TRABD2B: variants seen among roughly 807,000 people sequenced by gnomAD.
The protein encoded by TRABD2B is TraB domain containing 2B.
In TRABD2B, 14 loss-of-function variants were observed where a neutral mutation model predicts 40.1. The observed-to-expected ratio is 0.35, with a 90% CI of 0.23 to 0.55. The LOEUF (loss-of-function observed/expected upper bound fraction) is 0.55. Ranked by LOEUF, TRABD2B falls within the 20% of genes least tolerant of loss-of-function variation. The pLI, the probability that TRABD2B is intolerant of heterozygous loss-of-function variation, is 0.90. For missense variants in TRABD2B, 541 were observed against 648.6 expected, an observed-to-expected ratio of 0.83 and a Z score of 1.80; for synonymous variants, 263 against 277.0, an observed-to-expected ratio of 0.95 and a Z score of 0.50.
At chr1:47,944,972 C>T (rs1362875622) in intron 2 of TRABD2B, among the ~76,000 whole-genome samples, 1 of 141,736 alleles carries the variant, frequency 7.1e-6, no homozygotes, top group Non-Finnish European at 1.5e-5. Flanking sequence ...GGCACTGATG[C>T]GGGGACAAGT....
intron 2 of TRABD2B, among the ~76,000 whole-genome samples, chr1:47,867,915 G>A (rs1314488758): frequency 6.6e-6 from 1 of 152,192 alleles, no homozygotes; most frequent in Non-Finnish European, 1.5e-5. Context: ...GGGGTAAAAT[G>A]CTTGGGAAGC....
At chr1:47,978,183 G>C (rs1645786380) in intron 2 of TRABD2B, among the ~76,000 whole-genome samples, 3 of 152,090 alleles carry the variant, frequency 2.0e-5, no homozygotes, top group African/African-American at 4.8e-5. Flanking sequence ...ATAAGGGACT[G>C]AAGGGGCCAT....
chr1:47,792,224 A>C (rs1291802219), intron 4 of TRABD2B, among the ~76,000 whole-genome samples: 1 of 152,218 alleles, frequency 6.6e-6, no homozygotes, highest in African/African-American at 2.4e-5. Flanking sequence ...TAAATTCACC[A>C]GCCCAGAGGA....
At chr1:47,849,697 T>C (rs1025223250) in intron 2 of TRABD2B, among the ~76,000 whole-genome samples, 1 of 152,188 alleles carries the variant, frequency 6.6e-6, no homozygotes, top group African/African-American at 2.4e-5. Context: ...TTTGACCTGG[T>C]GTGAGCCGGT....
intron 2 of TRABD2B, among the ~76,000 whole-genome samples, chr1:47,914,066 C>T (rs1349385353): frequency 2.0e-5 from 3 of 152,222 alleles, no homozygotes; most frequent in Admixed American, 6.5e-5. Flanking sequence ...CGCAGCTTCT[C>T]GAATTCTTTG....
At chr1:47,862,282 A>G (rs1643984995) in intron 2 of TRABD2B, among the ~76,000 whole-genome samples, 1 of 152,218 alleles carries the variant, frequency 6.6e-6, no homozygotes, top group Non-Finnish European at 1.5e-5. Context: ...ATACTTATTG[A>G]GAAGGAAGAA....
chr1:47,871,716 G>A (rs572212115), intron 2 of TRABD2B, among the ~76,000 whole-genome samples: 2 of 152,280 alleles, frequency 1.3e-5, no homozygotes, highest in South Asian at 4.1e-4. Context: ...CAGTGAGCTG[G>A]TTAGAGGCAG....
intron 6 of TRABD2B, among the ~76,000 whole-genome samples, chr1:47,771,699 C>T (rs1293894815): frequency 6.6e-6 from 1 of 152,238 alleles, no homozygotes; most frequent in Non-Finnish European, 1.5e-5. Flanking sequence ...AAGCCTGGCT[C>T]TCAGCGGTGG....
chr1:47,963,328 T>A (rs1645549428), intron 2 of TRABD2B, among the ~76,000 whole-genome samples: 1 of 152,142 alleles, frequency 6.6e-6, no homozygotes, highest in African/African-American at 2.4e-5. Flanking sequence ...GCTAGCCCCA[T>A]CCCCAGGTTA....
chr1:47,798,827 C>T (rs1415586978), intron 3 of TRABD2B, among the ~76,000 whole-genome samples: 3 of 152,148 alleles, frequency 2.0e-5, no homozygotes, highest in African/African-American at 7.2e-5. Context: ...ACTTTGAGGC[C>T]CCCAGCTACA....
rs530921276 is a variant in TRABD2B at position 47,927,207 on chromosome 1, C to T, written c.666+66827G>A. ...TAAGCTGGTCTTGGTGAAGGCCTGG[C>T]ACAGTGGCCCCAGGGCTGGGTGTGC... is the stretch of plus-strand genomic sequence containing the variant. On this transcript the variant is annotated intron_variant, in intron 2 of 6. Coordinates refer to ENST00000606738, the MANE Select transcript of TRABD2B (RefSeq NM_001194986.2). Among the ~76,000 whole-genome samples the T allele has an allele frequency of 5.3e-5, 8 of 152,336 alleles. No individual in the cohort carries two copies. In the East Asian group the frequency reaches 9.6e-4, roughly 18 times the overall value.
intron 5 of TRABD2B, among the ~76,000 whole-genome samples, chr1:47,775,689 G>A (rs984671037): frequency 2.6e-5 from 4 of 152,240 alleles, no homozygotes; most frequent in Non-Finnish European, 5.9e-5. Flanking sequence ...CACTTTTTTA[G>A]GAGGTAGGTA....
At chr1:47,896,146 T>A (rs571735275) in intron 2 of TRABD2B, among the ~76,000 whole-genome samples, 1 of 152,186 alleles carries the variant, frequency 6.6e-6, no homozygotes, top group Non-Finnish European at 1.5e-5. Context: ...TGAAATGCAA[T>A]GACTGCCCTC....
chr1:47,940,023 C>G (rs1240011690), intron 2 of TRABD2B, among the ~76,000 whole-genome samples: 1 of 152,192 alleles, frequency 6.6e-6, no homozygotes, highest in Non-Finnish European at 1.5e-5. Flanking sequence ...TGGCTCCAAC[C>G]GAATTTCCTA....
chr1:47,967,041 C>A (rs879785288), intron 2 of TRABD2B, among the ~76,000 whole-genome samples: 8 of 152,054 alleles, frequency 5.3e-5, no homozygotes, highest in Non-Finnish European at 1.0e-4. Flanking sequence ...AATAGCTTGG[C>A]AGATGTTTAA....
intron 2 of TRABD2B, among the ~76,000 whole-genome samples, chr1:47,967,212 T>G (rs76299680): frequency 0.017 from 2,596 of 152,194 alleles, 76 homozygotes; most frequent in African/African-American, 0.059. Flanking sequence ...AAGCTTTTAT[T>G]CACTAAGCAG....
In TRABD2B at chr1:47,997,089, C is replaced by G; in HGVS notation, c.-300G>C. On this transcript the variant is annotated 5_prime_UTR_variant, in exon 1 of 7. Coordinates refer to ENST00000606738, the MANE Select transcript of TRABD2B (RefSeq NM_001194986.2). Reference sequence around the variant, plus strand: ...TTGGGGTCCGGGGGCGCGCGGGGTCCCGGAGCTGCGTCGCGGTCCAGGGGC... The same window carrying G: ...TTGGGGTCCGGGGGCGCGCGGGGTCGCGGAGCTGCGTCGCGGTCCAGGGGC... 1 of 982,708 alleles carries G rather than the reference C, an allele frequency of 1.0e-6. No individual in the cohort carries two copies. The highest frequency in any genetic ancestry group is 1.2e-6 in the Non-Finnish European group (1 of 828,578). 60.9% of individuals were successfully genotyped at this position (982,708 alleles called of 1,614,324 possible).
intron 2 of TRABD2B, among the ~76,000 whole-genome samples, chr1:47,945,167 C>A (rs1645243888): frequency 6.6e-6 from 1 of 152,124 alleles, no homozygotes; most frequent in Non-Finnish European, 1.5e-5. Context: ...TGTTTTAGAT[C>A]TCTGTAGCAG....
At chr1:47,951,858 C>T (rs1458598606) in intron 2 of TRABD2B, among the ~76,000 whole-genome samples, 1 of 152,206 alleles carries the variant, frequency 6.6e-6, no homozygotes, top group East Asian at 1.9e-4. Flanking sequence ...AAGTGATGTG[C>T]CCCGCTCAAT....
Sources: allele counts gnomAD v4.1 joint callset (sites outside exome capture counted in the v4.1 genomes callset), GRCh38; gene constraint gnomAD v4.1.1; transcripts MANE v1.5; gene names NCBI Gene and HGNC (gene_info 2026-07-23, HGNC 2026-07-21).